Variants in DCBLD1 observed in about 807,000 individuals in gnomAD.
The protein encoded by DCBLD1 is discoidin, CUB and LCCL domain-containing protein 1.
Under a neutral mutation model 71.5 loss-of-function variants are expected in DCBLD1, and 57 were observed. The ratio of observed to expected loss-of-function variants is 0.80; its 90% CI spans 0.64 to 0.99. The LOEUF (loss-of-function observed/expected upper bound fraction) is 0.99. Ranked by LOEUF, DCBLD1 falls within the 50% of genes least tolerant of loss-of-function variation. DCBLD1 has a pLI of 0.00. For missense variants in DCBLD1, 891 were observed against 923.5 expected, an observed-to-expected ratio of 0.96 and a Z score of 0.46; for synonymous variants, 380 against 363.8, an observed-to-expected ratio of 1.04 and a Z score of -0.51.
chr6:117,538,763 G>T lies in DCBLD1; in HGVS notation c.904G>T (p.Gly302Cys), dbSNP rs768494406. The change falls in exon 8 of 15, where the codon GGC becomes TGC. Residue 302 changes from glycine (G) to cysteine (C), a missense_variant. Coordinates refer to ENST00000338728, the MANE Select transcript of DCBLD1 (RefSeq NM_001366458.2). ...LQDQGPSWAS[G>C]DSSNNHKPRE... Reference sequence around the variant, plus strand: ...GGACCAAGGCCCATCATGGGCTTCGGGCGACAGTAGCAACAACCACAAACC... The same window carrying T: ...GGACCAAGGCCCATCATGGGCTTCGTGCGACAGTAGCAACAACCACAAACC... The T allele has an allele frequency of 6.2e-7, 1 of 1,614,106 alleles. No individual in the cohort carries two copies. Among genetic ancestry groups the T allele is most frequent in the Non-Finnish European group, 8.5e-7 (1 of 1,180,002 alleles).
intron 2 of DCBLD1, among the ~76,000 whole-genome samples, chr6:117,514,773 G>C (rs1038682050): frequency 6.6e-6 from 1 of 152,048 alleles, no homozygotes; most frequent in Non-Finnish European, 1.5e-5. Flanking sequence ...TCCAGAAATA[G>C]TTACATGCCT....
At chr6:117,564,349 G>A (rs186215872) in intron 14 of DCBLD1, among the ~76,000 whole-genome samples, 2 of 152,204 alleles carry the variant, frequency 1.3e-5, no homozygotes, top group East Asian at 3.9e-4. Context: ...CTACTGAACT[G>A]TGAATTATAT....
intron 1 of DCBLD1, 73 bp from the exon 2 acceptor site, chr6:117,503,694 A>G: frequency 6.6e-7 from 1 of 1,511,178 alleles, no homozygotes; most frequent in African/African-American, 1.4e-5. Flanking sequence ...TGGAGATTGT[A>G]TTGGACTCTC....
intron 5 of DCBLD1, among the ~76,000 whole-genome samples, chr6:117,531,256 T>C (rs1411088318): frequency 1.3e-5 from 2 of 152,242 alleles, no homozygotes; most frequent in African/African-American, 4.8e-5. Context: ...TTTCATGAGC[T>C]GCCTTTCTAT....
chr6:117,486,872 A>T (rs977031835), intron 1 of DCBLD1, among the ~76,000 whole-genome samples: 1 of 152,144 alleles, frequency 6.6e-6, no homozygotes, highest in African/African-American at 2.4e-5. Flanking sequence ...CAGGTAATGG[A>T]GCATTACCGC....
rs746912018 is a variant in DCBLD1, at chr6:117,538,762, G to T, written c.903G>T (p.Ser301=). ...AGGACCAAGGCCCATCATGGGCTTC[G>T]GGCGACAGTAGCAACAACCACAAAC... ...RLQDQGPSWA[S]GDSSNNHKPR... Residue 301 remains serine (S), a synonymous_variant, in exon 8 of 15, where the codon TCG becomes TCT. Coordinates refer to ENST00000338728, the MANE Select transcript of DCBLD1 (RefSeq NM_001366458.2). 1.9e-6 allele frequency: 3 copies of T among 1,613,976 alleles called. No individual in the cohort carries two copies. The African/African-American group carries it at 4.0e-5, about 22-fold the overall frequency.
At chr6:117,556,724 C>A (rs571874315) in intron 14 of DCBLD1, among the ~76,000 whole-genome samples, 1 of 152,188 alleles carries the variant, frequency 6.6e-6, no homozygotes, top group African/African-American at 2.4e-5. Flanking sequence ...TTCTTTCTTT[C>A]TTTGGGTATA....
At chr6:117,563,496 T>A in intron 14 of DCBLD1, 5 of 951,820 alleles carry the variant, frequency 5.3e-6, no homozygotes, top group Non-Finnish European at 8.1e-6. Context: ...CCAAGGTGGG[T>A]GGATAACCTG....
At position 117,495,085 on chromosome 6, in the gene DCBLD1, TAGTACCAC is replaced by T. The variant is rs568793453; in HGVS notation, c.113-8677_113-8670del. ...TAACCCCCTGGTAAACCACCCAGAC[TAGTACCAC>T]AGTATCTACTTCAGGACATGCTGAC... On this transcript the variant is annotated intron_variant, in intron 1 of 14. Transcript: ENST00000338728. Among the ~76,000 whole-genome samples, 61 of 152,262 alleles carry T rather than the reference TAGTACCAC, an allele frequency of 4.0e-4. No individual in the cohort carries two copies. In the South Asian group the frequency reaches 8.9e-3, roughly 22 times the overall value.
At chr6:117,520,698 T>G (rs988497731) in intron 3 of DCBLD1, among the ~76,000 whole-genome samples, 3 of 152,200 alleles carry the variant, frequency 2.0e-5, no homozygotes, top group African/African-American at 7.2e-5. Flanking sequence ...TGTCCTGGGC[T>G]CTTGTGCTTC....
In DCBLD1 at chr6:117,548,328, G is replaced by C. The variant is rs210621; in HGVS notation, c.2037G>C (p.Gly679=). ...KAVSALATES[G]HPDSQKPPTH... ...TCAGCGCCCTCGCCACCGAAAGCGG[G>C]CACCCTGACTCTCAGAAGCCCCCAA... Residue 679 remains glycine, a synonymous_variant, in exon 15 of 15, where the codon GGG becomes GGC. Coordinates refer to ENST00000338728, the MANE Select transcript of DCBLD1 (RefSeq NM_001366458.2). 1 of 1,550,556 alleles carries C rather than the reference G, an allele frequency of 6.4e-7. No homozygotes were observed. Among genetic ancestry groups the C allele is most frequent in the South Asian group, 1.2e-5 (1 of 84,052 alleles).
Position 117,567,085 on chromosome 6 carries a change from A to G in DCBLD1, c.1616-2535A>G, listed in dbSNP as rs568234258. 2.1e-6 allele frequency: 3 copies of G among 1,396,174 alleles called. No homozygotes were observed. The Admixed American group carries it at 7.5e-5, about 35-fold the overall frequency. 86.5% of individuals were successfully genotyped at this position (1,396,174 alleles called of 1,614,324 possible). On this transcript the variant is annotated intron_variant, in intron 14 of 14. Transcript: ENST00000296955. Reference sequence around the variant, plus strand: ...AGTCAAGTTATTGTAATTGTAATTTAAAAAGGATTTCCAAATTCTTTGTGG... The same window carrying G: ...AGTCAAGTTATTGTAATTGTAATTTGAAAAGGATTTCCAAATTCTTTGTGG...
At chr6:117,496,964 C>T (rs1043389713) in intron 1 of DCBLD1, among the ~76,000 whole-genome samples, 14 of 151,984 alleles carry the variant, frequency 9.2e-5, no homozygotes, top group African/African-American at 3.4e-4. Flanking sequence ...AACTCTAGGC[C>T]ATAATAATAA....
rs774049214 is a variant in DCBLD1, at chr6:117,548,202, C to T, written c.1911C>T (p.Gly637=). ...GCCACAAACACTCCCTCTCCTCGGGCGGCTTCTCCCCCGTAGCGGGTGTGG... is the reference window on the plus strand; with the variant it reads ...GCCACAAACACTCCCTCTCCTCGGGTGGCTTCTCCCCCGTAGCGGGTGTGG... ...QPGHKHSLSS[G]GFSPVAGVGA... Residue 637 remains glycine, a synonymous_variant, in exon 15 of 15, where the codon GGC becomes GGT. Transcript: ENST00000338728. 64 of 1,550,358 alleles carry T rather than the reference C, an allele frequency of 4.1e-5. No homozygotes were observed. In the South Asian group the frequency reaches 6.8e-4, roughly 16 times the overall value.
At chr6:117,514,535 G>A (rs1778126033) in intron 2 of DCBLD1, among the ~76,000 whole-genome samples, 1 of 151,392 alleles carries the variant, frequency 6.6e-6, no homozygotes, top group Admixed American at 6.6e-5. Flanking sequence ...GAGCCCAGGA[G>A]GAGCCGTGAT....
rs1456530997 is a variant in DCBLD1 at position 117,549,777 on chromosome 6, A to G, written c.*1338A>G. On this transcript the variant is annotated 3_prime_UTR_variant, in exon 15 of 15. Coordinates refer to ENST00000338728, the MANE Select transcript of DCBLD1 (RefSeq NM_001366458.2). ...ATGGTTTTATGCGCACACTAATTGT[A>G]ATAAACTATGCCAAACCAAACTGCC... is the stretch of plus-strand genomic sequence containing the variant. 1 of 985,274 alleles carries G rather than the reference A, an allele frequency of 1.0e-6. No homozygotes were observed. The highest frequency in any genetic ancestry group is 1.7e-5 in the African/African-American group (1 of 57,220). The allele number at this position is 985,274 out of a possible 1,614,324, so 61.0% of individuals were successfully genotyped here. A position where few individuals can be genotyped will look rare whatever the true frequency, so the allele number is the denominator to read the frequency against.
At chr6:117,515,680 GT>G (rs1389495990) in intron 2 of DCBLD1, among the ~76,000 whole-genome samples, 2 of 152,314 alleles carry the variant, frequency 1.3e-5, no homozygotes, top group East Asian at 3.9e-4. Flanking sequence ...TGCTGTGCTT[GT>G]GAGCAAGAGT....
intron 14 of DCBLD1, among the ~76,000 whole-genome samples, chr6:117,564,905 T>C (rs1281486573): frequency 6.6e-6 from 1 of 152,168 alleles, no homozygotes; most frequent in African/African-American, 2.4e-5. Flanking sequence ...CACACAAGTT[T>C]ATCAAAAGTG....
chr6:117,506,789 C>G (rs924282832), intron 2 of DCBLD1, among the ~76,000 whole-genome samples: 1 of 152,210 alleles, frequency 6.6e-6, no homozygotes. Flanking sequence ...AGTGCCCTTG[C>G]AGTGTCCCAA....
Sources: allele counts gnomAD v4.1 joint callset (sites outside exome capture counted in the v4.1 genomes callset), GRCh38; gene constraint gnomAD v4.1.1; transcripts MANE v1.5; gene names NCBI Gene and HGNC (gene_info 2026-07-23, HGNC 2026-07-21).